ATP7A: variants seen among roughly 807,000 people sequenced by gnomAD.
The protein encoded by ATP7A is ATPase copper transporting alpha.
ATP7A carries 7 observed loss-of-function variants against 83.5 expected under a neutral mutation model. The observed-to-expected ratio is 0.08, with a 90% CI of 0.05 to 0.16. ATP7A has a LOEUF of 0.16. Ranked by LOEUF, ATP7A falls within the 10% of genes least tolerant of loss-of-function variation. The pLI, the probability that ATP7A is intolerant of heterozygous loss-of-function variation, is 1.00. For synonymous variants in ATP7A, 354 were observed against 395.2 expected, an observed-to-expected ratio of 0.90 and a Z score of 1.24; for missense variants, 940 against 1,120.8, an observed-to-expected ratio of 0.84 and a Z score of 2.30.
intron 22 of ATP7A, 135 bp from the exon 23 acceptor site, chrX:78,046,159 C>T: frequency 1.4e-6 from 1 of 725,462 alleles, no homozygotes; most frequent in Non-Finnish European, 2.1e-6. Flanking sequence ...AGCTATTTTC[C>T]TACCAGTGAT....
At chrX:77,930,947 C>A (rs1557224107) in intron 1 of ATP7A, among the ~76,000 whole-genome samples, 1 of 106,053 alleles carries the variant, frequency 9.4e-6, no homozygotes, top group African/African-American at 3.5e-5. Flanking sequence ...TTCCCCAGTT[C>A]CTCTCTCTCA....
chrX:77,974,056 C>A (rs207478436), intron 2 of ATP7A, among the ~76,000 whole-genome samples: 2 of 110,716 alleles, frequency 1.8e-5, no homozygotes, highest in African/African-American at 6.6e-5. Flanking sequence ...GACTTTGTAT[C>A]CTGGAACGTA....
At chrX:78,035,869 G>A (rs1257565767) in intron 17 of ATP7A, among the ~76,000 whole-genome samples, 1 of 111,981 alleles carries the variant, frequency 8.9e-6, no homozygotes, top group Non-Finnish European at 1.9e-5. Flanking sequence ...TATATTGACA[G>A]AGGTATTTGC....
At chrX:77,944,834 G>GTAGT (rs2077369953) in intron 1 of ATP7A, among the ~76,000 whole-genome samples, 1 of 107,379 alleles carries the variant, frequency 9.3e-6, no homozygotes, top group African/African-American at 3.5e-5. Flanking sequence ...ATGTATGTGT[G>GTAGT]TATTTATTTA....
At position 78,002,799 on chromosome X, in the gene ATP7A, T is replaced by TACAC. The variant is rs781808445; in HGVS notation, c.1544-232_1544-229dup. ...GTACGTCAAGTTTATTATGTTCTTATACACACACACACACACACACACACA... is the reference window on the plus strand; with the variant it reads ...GTACGTCAAGTTTATTATGTTCTTATACACACACACACACACACACACACACACA... On this transcript the variant is annotated intron_variant, in intron 5 of 22. Coordinates refer to ENST00000341514, the MANE Select transcript of ATP7A (RefSeq NM_000052.7). Among the ~76,000 whole-genome samples, 2,009 of 87,092 alleles carry TACAC rather than the reference T, an allele frequency of 0.023. 22 individuals carry two copies. Among genetic ancestry groups the TACAC allele is most frequent in the Middle Eastern group, 0.045 (8 of 179 alleles). The allele number at this position is 87,092 out of a possible 115,157, so 75.6% of individuals were successfully genotyped here. A position where few individuals can be genotyped will look rare whatever the true frequency, so the allele number is the denominator to read the frequency against.
chrX:78,040,817 C>T (rs1214627815), intron 19 of ATP7A, 84 bp downstream of exon 19: 32 of 1,079,878 alleles, frequency 3.0e-5, no homozygotes, highest in Non-Finnish European at 4.1e-5. Flanking sequence ...ATTTACATTA[C>T]CTACTATTTT....
chrX:77,937,463 C>G (rs1039713303), intron 1 of ATP7A, among the ~76,000 whole-genome samples: 1 of 112,094 alleles, frequency 8.9e-6, no homozygotes, highest in Admixed American at 9.5e-5. Flanking sequence ...AGATATCTCT[C>G]CAAGAGAAAT....
intron 1 of ATP7A, among the ~76,000 whole-genome samples, chrX:77,926,413 C>A (rs1051322106): frequency 4.5e-5 from 5 of 111,647 alleles, no homozygotes; most frequent in Non-Finnish European, 9.4e-5. Context: ...CCACTGCAAC[C>A]TCTGCCTCCC....
At chrX:77,956,987 G>C (rs1239079222) in intron 1 of ATP7A, among the ~76,000 whole-genome samples, 3 of 108,875 alleles carry the variant, frequency 2.8e-5, no homozygotes, top group Non-Finnish European at 5.7e-5. Flanking sequence ...TGTAGAGACT[G>C]AGTTTTGCCA....
intron 1 of ATP7A, chrX:77,969,028 G>A (rs782492567): frequency 4.5e-5 from 54 of 1,211,637 alleles, no homozygotes; most frequent in Non-Finnish European, 6.0e-5. Context: ...CTCCATGATA[G>A]CCTCTTCAGA....
In ATP7A at chrX:78,012,950, A is replaced by G. The variant is rs2149095993; in HGVS notation, c.2244A>G (p.Val748=). ...AGCATAAGACAGCAAATATGGACGTACTGATTGTGCTGGCAACCACCATTG... is the reference window on the plus strand; with the variant it reads ...AGCATAAGACAGCAAATATGGACGTGCTGATTGTGCTGGCAACCACCATTG... ...ALKHKTANMD[V]LIVLATTIAF... The change falls in exon 10 of 23, where the codon GTA becomes GTG. Residue 748 remains valine (V), a synonymous_variant. Transcript: ENST00000341514. 1 of 1,211,760 alleles carries G rather than the reference A, an allele frequency of 8.3e-7. No homozygotes were observed. The highest frequency in any genetic ancestry group is 1.1e-6 in the Non-Finnish European group (1 of 895,478).
Position 78,046,293 on chromosome X carries a change from G to A in ATP7A, c.4227-1G>A, listed in dbSNP as rs782283173. 3.3e-6 allele frequency: 4 copies of A among 1,211,335 alleles called. No homozygotes were observed. In the Admixed American group the frequency reaches 8.7e-5, roughly 26 times the overall value. On this transcript the variant is annotated splice_acceptor_variant, in intron 22 of 22. Coordinates refer to ENST00000341514, the MANE Select transcript of ATP7A (RefSeq NM_000052.7). LOFTEE classifies it high-confidence loss of function. ...ACTAGCATACTTTTGCATATGTCCA[G>A]TTACAGGAAACCAACTTACGAGAGT...
intron 5 of ATP7A, among the ~76,000 whole-genome samples, chrX:78,001,823 G>T (rs1294768018): frequency 9.3e-6 from 1 of 107,385 alleles, no homozygotes; most frequent in African/African-American, 3.4e-5. Flanking sequence ...TGGAATGGTT[G>T]TTAAAAAAAA....
At chrX:77,994,743 T>C (rs1406973639) in intron 4 of ATP7A, among the ~76,000 whole-genome samples, 1 of 111,115 alleles carries the variant, frequency 9.0e-6, no homozygotes, top group African/African-American at 3.3e-5. Flanking sequence ...AGTCTCAGTT[T>C]GTTGCCTAGG....
chrX:78,026,992 A>T (rs185377748), intron 14 of ATP7A, among the ~76,000 whole-genome samples: 249 of 111,019 alleles, frequency 2.2e-3, no homozygotes, highest in African/African-American at 7.9e-3. Context: ...CTACTAAAAA[A>T]TACAAAAATT....
intron 1 of ATP7A, among the ~76,000 whole-genome samples, chrX:77,928,482 A>G (rs1301378455): frequency 6.3e-5 from 7 of 110,985 alleles, no homozygotes; most frequent in African/African-American, 2.3e-4. Context: ...CCTTGAGTTG[A>G]GAGTAGTGTT....
rs781851530 is a variant in ATP7A at position 77,988,439 on chromosome X, A to G, written c.318A>G (p.Thr106=). ...TGCCATGGGACCATATCCAAAGCAC[A>G]TTGCTGAAGACCAAGGGTGTGACAG... ...LTLPWDHIQS[T]LLKTKGVTDI... The change falls in exon 3 of 23, where the codon ACA becomes ACG. Residue 106 remains threonine, a synonymous_variant. Transcript: ENST00000341514. The G allele has an allele frequency of 8.3e-7, 1 of 1,211,692 alleles. No homozygotes were observed. The highest frequency in any genetic ancestry group is 1.1e-6 in the Non-Finnish European group (1 of 895,451).
At chrX:78,011,145 G>C in intron 7 of ATP7A, 31 bp from the exon 8 acceptor site, 2 of 1,147,774 alleles carry the variant, frequency 1.7e-6, no homozygotes, top group Non-Finnish European at 2.4e-6. Context: ...TATGTTCAGT[G>C]AAATAATTTT....
rs1444191673 is a variant in ATP7A at position 78,029,188 on chromosome X, T to G, written c.2917-62T>G. On this transcript the variant is annotated intron_variant, in intron 14 of 22. Coordinates refer to ENST00000341514, the MANE Select transcript of ATP7A (RefSeq NM_000052.7). ...GGTTTTATTTAAATAGTGTTAAGTT[T>G]TGTGTCTTTTGTTTTGTACAGCTCT... The G allele has an allele frequency of 1.4e-5, 15 of 1,094,416 alleles. No homozygotes were observed. In the Admixed American group the frequency reaches 2.2e-4, roughly 16 times the overall value. 90.2% of individuals were successfully genotyped at this position (1,094,416 alleles called of 1,213,427 possible).
Sources: allele counts gnomAD v4.1 joint callset (sites outside exome capture counted in the v4.1 genomes callset), GRCh38; gene constraint gnomAD v4.1.1; transcripts MANE v1.5; gene names NCBI Gene and HGNC (gene_info 2026-07-23, HGNC 2026-07-21).